Variants in MLIP observed in about 807,000 individuals in gnomAD.
MLIP encodes muscular LMNA-interacting protein.
MLIP carries 79 observed loss-of-function variants against 84.8 expected under a neutral mutation model. The observed-to-expected ratio is 0.93, with a 90% CI of 0.78 to 1.12. MLIP has a LOEUF of 1.12. Among genes scored for constraint, MLIP ranks in the 50% most tolerant of loss-of-function variants. The pLI is 0.00. For synonymous variants in MLIP, 504 were observed against 463.0 expected, an observed-to-expected ratio of 1.09 and a Z score of -1.14; for missense variants, 1,257 against 1,160.6, an observed-to-expected ratio of 1.08 and a Z score of -1.21.
At chr6:54,058,485 G>A (rs1241325901) in intron 1 of MLIP, among the ~76,000 whole-genome samples, 1 of 152,168 alleles carries the variant, frequency 6.6e-6, no homozygotes, top group African/African-American at 2.4e-5. Context: ...AACCAGCACT[G>A]ATGTGCTCTA....
intron 1 of MLIP, among the ~76,000 whole-genome samples, chr6:54,051,045 CAAG>C (rs982067902): frequency 1.1e-4 from 16 of 152,086 alleles, no homozygotes; most frequent in Admixed American, 2.0e-4. Context: ...GGCACTTTTT[CAAG>C]AAGGTCTCCC....
intron 4 of MLIP, among the ~76,000 whole-genome samples, chr6:54,143,882 C>T (rs1401343491): frequency 6.6e-6 from 1 of 152,044 alleles, no homozygotes. Flanking sequence ...AATCTCTCCT[C>T]TAAAAGATCT....
chr6:54,129,293 A>T (rs541596520), intron 3 of MLIP, among the ~76,000 whole-genome samples: 1 of 152,234 alleles, frequency 6.6e-6, no homozygotes, highest in African/African-American at 2.4e-5. Flanking sequence ...TGTCTGTCTT[A>T]CCCCACTAGA....
rs552425857 is a variant in MLIP at position 54,250,665 on chromosome 6, C to A, written c.2923-6643C>A. Among the ~76,000 whole-genome samples the A allele has an allele frequency of 7.9e-5, 12 of 152,242 alleles. No homozygotes were observed. In the East Asian group the frequency reaches 1.9e-3, roughly 24 times the overall value. On this transcript the variant is annotated intron_variant, in intron 12 of 13. Transcript: ENST00000502396. ...CATACAAATTCCTCATAGTAATTCTCTGTCCTCAGTTTCTGACATCTCTCT... is the reference window on the plus strand; with the variant it reads ...CATACAAATTCCTCATAGTAATTCTATGTCCTCAGTTTCTGACATCTCTCT...
chr6:54,257,055 G>A (rs1205362434), intron 12 of MLIP, among the ~76,000 whole-genome samples: 3 of 152,050 alleles, frequency 2.0e-5, no homozygotes, highest in African/African-American at 4.8e-5. Flanking sequence ...TATATGCTAA[G>A]CACTGTTAGA....
At chr6:54,052,524 T>C (rs1477858757) in intron 1 of MLIP, among the ~76,000 whole-genome samples, 1 of 152,224 alleles carries the variant, frequency 6.6e-6, no homozygotes, top group African/African-American at 2.4e-5. Flanking sequence ...GGTAGAGATC[T>C]ATTTTTCTTT....
chr6:54,097,451 C>T (rs933501931), intron 1 of MLIP, among the ~76,000 whole-genome samples: 6 of 152,080 alleles, frequency 3.9e-5, no homozygotes, highest in Admixed American at 1.3e-4. Flanking sequence ...AGTATCCCTT[C>T]GACTAGGCAA....
intron 10 of MLIP, among the ~76,000 whole-genome samples, chr6:54,201,310 T>C (rs1778662158): frequency 6.6e-6 from 1 of 152,136 alleles, no homozygotes; most frequent in African/African-American, 2.4e-5. Context: ...TGAGGGAATC[T>C]GGTGTAAAAG....
intron 8 of MLIP, among the ~76,000 whole-genome samples, chr6:54,161,863 CTTTGA>C (rs1774673539): frequency 6.6e-6 from 1 of 151,696 alleles, no homozygotes; most frequent in Non-Finnish European, 1.5e-5. Context: ...TAATCTAAAA[CTTTGA>C]TTTGTCAAAT....
chr6:54,231,345 A>G (rs916311462), intron 12 of MLIP, among the ~76,000 whole-genome samples: 35 of 152,312 alleles, frequency 2.3e-4, no homozygotes, highest in African/African-American at 7.7e-4. Context: ...ACTTAGAATT[A>G]CTGTGGGTAT....
chr6:54,240,285 A>G (rs1487332728), intron 12 of MLIP, among the ~76,000 whole-genome samples: 6 of 152,222 alleles, frequency 3.9e-5, no homozygotes, highest in African/African-American at 1.4e-4. Context: ...GCTGGAGTGA[A>G]GAAACAATCC....
At chr6:54,140,901 G>C (rs1364117301) in intron 4 of MLIP, among the ~76,000 whole-genome samples, 2 of 152,100 alleles carry the variant, frequency 1.3e-5, no homozygotes, top group Non-Finnish European at 1.5e-5. Context: ...TTCTTGTCTT[G>C]CTCCTTCCAG....
At chr6:54,138,443 T>A (rs1772016554) in intron 4 of MLIP, among the ~76,000 whole-genome samples, 157 bp downstream of exon 4, 1 of 152,162 alleles carries the variant, frequency 6.6e-6, no homozygotes, top group Admixed American at 6.5e-5. Flanking sequence ...TATATTTGAA[T>A]GTGTAAATGA....
At chr6:54,251,701 C>CATATAATATAAATATATATTATAAA (rs1184437869) in intron 12 of MLIP, among the ~76,000 whole-genome samples, 1 of 85,734 alleles carries the variant, frequency 1.2e-5, no homozygotes, top group Admixed American at 1.7e-4. Flanking sequence ...TATATTATAA[C>CATATAATATAAATATATATTATAAA]ATATGATACA....
chr6:54,042,599 G>A (rs1017847130), intron 1 of MLIP, among the ~76,000 whole-genome samples: 3 of 152,144 alleles, frequency 2.0e-5, no homozygotes, highest in South Asian at 2.1e-4. Flanking sequence ...AAACATCTGT[G>A]AAGCAGTATT....
chr6:54,225,057 C>G (rs207466971), intron 11 of MLIP, among the ~76,000 whole-genome samples: 9 of 152,130 alleles, frequency 5.9e-5, no homozygotes, highest in African/African-American at 2.2e-4. Flanking sequence ...AACGTGTGTG[C>G]AAGCATCTTT....
chr6:54,161,786 A>G (rs1419077924), intron 8 of MLIP, among the ~76,000 whole-genome samples: 1 of 151,924 alleles, frequency 6.6e-6, no homozygotes, highest in Non-Finnish European at 1.5e-5. Context: ...TTAGCAGAGG[A>G]CTCACAGGTG....
chr6:54,123,819 A>G (rs1433449250), intron 2 of MLIP, among the ~76,000 whole-genome samples: 3 of 152,234 alleles, frequency 2.0e-5, no homozygotes, highest in South Asian at 2.1e-4. Context: ...TGATAAAGCT[A>G]TCTTGATCCT....
Position 54,160,850 on chromosome 6 carries a change from A to G in MLIP, c.2499+51A>G, listed in dbSNP as rs774401864. 4.7e-6 allele frequency: 7 copies of G among 1,474,956 alleles called. No individual in the cohort carries two copies. In the South Asian group the frequency reaches 6.1e-5, roughly 13 times the overall value. 91.4% of individuals were successfully genotyped at this position (1,474,956 alleles called of 1,614,324 possible). A position where few individuals can be genotyped will look rare whatever the true frequency, so the allele number is the denominator to read the frequency against. On this transcript the variant is annotated intron_variant, in intron 8 of 13. Transcript: ENST00000502396. ...TGGAACCATAAGATTTATTAGATCA[A>G]TGATTTCCAAACTGCAAGTCAAGGT... is the stretch of plus-strand genomic sequence containing the variant.
Sources: allele counts gnomAD v4.1 joint callset (sites outside exome capture counted in the v4.1 genomes callset), GRCh38; gene constraint gnomAD v4.1.1; transcripts MANE v1.5; gene names NCBI Gene and HGNC (gene_info 2026-07-23, HGNC 2026-07-21).